Variants in DLGAP2 observed in about 807,000 individuals in gnomAD.
DLGAP2 encodes the protein disks large-associated protein 2.
DLGAP2 carries 26 observed loss-of-function variants against 100.3 expected under a neutral mutation model. The observed-to-expected ratio is 0.26, with a 90% CI of 0.19 to 0.36. The LOEUF (loss-of-function observed/expected upper bound fraction) is 0.36. DLGAP2 is among the 10% of genes least tolerant of loss of function. DLGAP2 has a pLI of 1.00. For synonymous variants in DLGAP2, 886 were observed against 630.1 expected, an observed-to-expected ratio of 1.41 and a Z score of -6.08; for missense variants, 1,858 against 1,453.2, an observed-to-expected ratio of 1.28 and a Z score of -4.53.
At chr8:965,618 G>C (rs537005309) in intron 2 of DLGAP2, among the ~76,000 whole-genome samples, 7 of 114,642 alleles carry the variant, frequency 6.1e-5, no homozygotes, top group African/African-American at 2.7e-4. Flanking sequence ...GTCTGGCCCC[G>C]CACTGCACAC....
In DLGAP2 at chr8:1,298,120, C is replaced by T. The variant is rs997963086; in HGVS notation, c.106+39237C>T. ...AGACAGGGAGGAGAAACGTGGCAGGCGTCAACAGACACCACGTGAGACAGG... is the reference window on the plus strand; with the variant it reads ...AGACAGGGAGGAGAAACGTGGCAGGTGTCAACAGACACCACGTGAGACAGG... On this transcript the variant is annotated intron_variant, in intron 3 of 14. Coordinates refer to ENST00000637795, the MANE Select transcript of DLGAP2 (RefSeq NM_001346810.2). Among the ~76,000 whole-genome samples, 10 of 145,672 alleles carry T rather than the reference C, an allele frequency of 6.9e-5. No homozygotes were observed. The East Asian group carries it at 1.2e-3, about 18-fold the overall frequency.
intron 8 of DLGAP2, among the ~76,000 whole-genome samples, chr8:1,661,311 G>A (rs987130353): frequency 1.3e-5 from 2 of 152,154 alleles, no homozygotes; most frequent in East Asian, 3.9e-4. Flanking sequence ...GTTCTCCATG[G>A]CCTCTACTAT....
chr8:1,145,860 G>T (rs919379668), intron 2 of DLGAP2, among the ~76,000 whole-genome samples: 2 of 146,794 alleles, frequency 1.4e-5, no homozygotes, highest in Non-Finnish European at 3.0e-5. Flanking sequence ...GAGAATATGC[G>T]GTGTTTGGTT....
chr8:1,166,152 C>G (rs1797010840), intron 2 of DLGAP2, among the ~76,000 whole-genome samples: 1 of 152,176 alleles, frequency 6.6e-6, no homozygotes, highest in South Asian at 2.1e-4. Context: ...CTTCCCCGGC[C>G]TCTTTGAGGT....
intron 3 of DLGAP2, among the ~76,000 whole-genome samples, chr8:1,479,256 G>A (rs1038537968): frequency 4.6e-5 from 7 of 152,198 alleles, no homozygotes; most frequent in South Asian, 2.1e-4. Flanking sequence ...CCTTTACTCC[G>A]CTGCCAAACC....
chr8:1,629,341 C>T lies in DLGAP2; in HGVS notation c.1590+2454C>T, dbSNP rs114357148. Among the ~76,000 whole-genome samples, 1,386 of 152,252 alleles carry T rather than the reference C, an allele frequency of 9.1e-3. 21 individuals are homozygous for T. Among genetic ancestry groups the T allele is most frequent in the African/African-American group, 0.032 (1,318 of 41,552 alleles). On this transcript the variant is annotated intron_variant, in intron 7 of 14. Coordinates refer to ENST00000637795, the MANE Select transcript of DLGAP2 (RefSeq NM_001346810.2). ...CAGGAATTGCATTGACTCTTTTTCC[C>T]AATGACAAGGAAAGACCGTCCCTAG...
At chr8:1,054,970 C>T (rs1262742096) in intron 2 of DLGAP2, among the ~76,000 whole-genome samples, 1 of 152,174 alleles carries the variant, frequency 6.6e-6, no homozygotes, top group Non-Finnish European at 1.5e-5. Flanking sequence ...CCTCATGAAG[C>T]AATAATCGCA....
rs1409607154 is a variant in DLGAP2, at chr8:920,231, C to T, written c.73+12265C>T. ...CCAGGGTCGTGCTGGGCTCTGCCCA[C>T]AGAGGCACCCCTGCCTGGCACTTAC... is the stretch of plus-strand genomic sequence containing the variant. On this transcript the variant is annotated intron_variant, in intron 2 of 14. Coordinates refer to ENST00000637795, the MANE Select transcript of DLGAP2 (RefSeq NM_001346810.2). Among the ~76,000 whole-genome samples, 4 of 152,220 alleles carry T rather than the reference C, an allele frequency of 2.6e-5. 1 individual carries two copies. Among genetic ancestry groups the T allele is most frequent in the Admixed American group, 6.5e-5 (1 of 15,280 alleles).
intron 2 of DLGAP2, among the ~76,000 whole-genome samples, chr8:922,957 G>A (rs1451794140): frequency 6.6e-6 from 1 of 152,188 alleles, no homozygotes; most frequent in African/African-American, 2.4e-5. Context: ...GAGGTGCCCA[G>A]GGCTGGGAAT....
intron 2 of DLGAP2, among the ~76,000 whole-genome samples, chr8:1,242,505 C>A (rs962874243): frequency 1.3e-5 from 2 of 152,212 alleles, no homozygotes; most frequent in African/African-American, 4.8e-5. Flanking sequence ...GTTGCACCAA[C>A]CCCGCCCACT....
chr8:1,242,522 T>C (rs904938185), intron 2 of DLGAP2, among the ~76,000 whole-genome samples: 9 of 152,320 alleles, frequency 5.9e-5, no homozygotes, highest in Non-Finnish European at 8.8e-5. Flanking sequence ...CACTTCCTCT[T>C]CAATCCTGCT....
chr8:1,373,388 C>G (rs1337683950), intron 3 of DLGAP2, among the ~76,000 whole-genome samples: 1 of 152,078 alleles, frequency 6.6e-6, no homozygotes, highest in Admixed American at 6.5e-5. Flanking sequence ...GACGCAGAGC[C>G]CTGTGCCGCT....
rs949785793 is a variant in DLGAP2 at position 1,201,755 on chromosome 8, G to A, written c.74-57096G>A. Among the ~76,000 whole-genome samples the A allele has an allele frequency of 4.6e-5, 7 of 152,318 alleles. No individual in the cohort carries two copies. The East Asian group carries it at 5.8e-4, about 13-fold the overall frequency. On this transcript the variant is annotated intron_variant, in intron 2 of 14. Transcript: ENST00000637795. ...TCCCTGTGAGGGGCTTGTGTGCTGT[G>A]CCCTCCCTCATCACCAGGCAGCATC...
intron 2 of DLGAP2, among the ~76,000 whole-genome samples, chr8:970,648 G>C (rs1382288167): frequency 6.6e-6 from 1 of 152,178 alleles, no homozygotes; most frequent in African/African-American, 2.4e-5. Flanking sequence ...TAAACTGTCT[G>C]AGAAATGGGA....
chr8:1,448,144 G>A (rs190003731), intron 3 of DLGAP2, among the ~76,000 whole-genome samples: 107 of 152,098 alleles, frequency 7.0e-4, no homozygotes, highest in Non-Finnish European at 8.4e-4. Context: ...GAATGTGTTC[G>A]CTCTTGCTTT....
intron 2 of DLGAP2, among the ~76,000 whole-genome samples, chr8:934,473 G>T (rs1244162961): frequency 6.6e-6 from 1 of 152,236 alleles, no homozygotes; most frequent in Non-Finnish European, 1.5e-5. Flanking sequence ...AGTGGGACCT[G>T]CTTGAAACAG....
chr8:1,317,926 G>A (rs372732536), intron 3 of DLGAP2, among the ~76,000 whole-genome samples: 10 of 90,612 alleles, frequency 1.1e-4, no homozygotes, highest in Middle Eastern at 8.9e-3. Flanking sequence ...CGAGACACTC[G>A]TCAGCGTTTA....
intron 2 of DLGAP2, among the ~76,000 whole-genome samples, chr8:1,107,427 C>G (rs912691723): frequency 4.6e-5 from 7 of 152,198 alleles, no homozygotes; most frequent in African/African-American, 1.4e-4. Context: ...CCAGAGGCGT[C>G]CAAAGGAAGC....
chr8:1,366,565 A>T (rs1390153743), intron 3 of DLGAP2, among the ~76,000 whole-genome samples: 1 of 152,100 alleles, frequency 6.6e-6, no homozygotes, highest in Non-Finnish European at 1.5e-5. Context: ...GTGTGAGGGG[A>T]GGGATGGGGC....
Sources: allele counts gnomAD v4.1 joint callset (sites outside exome capture counted in the v4.1 genomes callset), GRCh38; gene constraint gnomAD v4.1.1; transcripts MANE v1.5; gene names NCBI Gene and HGNC (gene_info 2026-07-23, HGNC 2026-07-21).